WASF3: variants seen among roughly 807,000 people sequenced by gnomAD.
WASF3 encodes WASP family member 3.
A neutral mutation model predicts 46.6 loss-of-function variants in WASF3; 11 were observed. The observed-to-expected ratio is 0.24, with a 90% CI of 0.15 to 0.39. The LOEUF is 0.39. Ranked by LOEUF, WASF3 falls within the 10% of genes least tolerant of loss-of-function variation. The pLI, the probability that WASF3 is intolerant of heterozygous loss-of-function variation, is 1.00. For missense variants in WASF3, 576 were observed against 669.8 expected (o/e 0.86, Z 1.55); for synonymous variants, 242 against 259.7 (o/e 0.93, Z 0.65).
chr13:26,558,735 C>T (rs574936482), intron 1 of WASF3, among the ~76,000 whole-genome samples: 23 of 152,252 alleles, frequency 1.5e-4, no homozygotes, highest in Non-Finnish European at 2.2e-4. Context: ...TTTAAATTAG[C>T]GGTTTACTTC....
At chr13:26,542,858 G>T in the WASF3 span, among the ~76,000 whole-genome samples, 1 of 152,230 alleles carries the variant, frequency 6.6e-6, no homozygotes, top group Non-Finnish European at 1.5e-5. Flanking sequence ...CTTATTGATT[G>T]ATTGCCTTGG....
intron 1 of WASF3, among the ~76,000 whole-genome samples, chr13:26,608,120 C>A (rs946863329): frequency 2.2e-5 from 3 of 137,474 alleles, no homozygotes; most frequent in African/African-American, 8.2e-5. Context: ...TGGTCCAGAT[C>A]GTTGCCTGGG....
At chr13:26,620,130 A>G (rs1272210534) in intron 2 of WASF3, among the ~76,000 whole-genome samples, 1 of 152,048 alleles carries the variant, frequency 6.6e-6, no homozygotes, top group Non-Finnish European at 1.5e-5. Flanking sequence ...GTTATGCTAG[A>G]TCTCCAAGGT....
At chr13:26,629,031 G>A (rs1299628657) in intron 2 of WASF3, among the ~76,000 whole-genome samples, 1 of 152,238 alleles carries the variant, frequency 6.6e-6, no homozygotes, top group Non-Finnish European at 1.5e-5. Flanking sequence ...ATGGACCCGC[G>A]TTGGGTGGTT....
chr13:26,671,765 C>A, intron 5 of WASF3, 107 bp from the exon 6 acceptor site: 1 of 709,054 alleles, frequency 1.4e-6, no homozygotes, highest in Non-Finnish European at 2.3e-6. Flanking sequence ...TTAAGTGCCC[C>A]ATGTAGATGT....
rs1882536641 is a variant in WASF3, at chr13:26,658,688, G to A, written c.134-6340G>A. On this transcript the variant is annotated intron_variant, in intron 3 of 9. Coordinates refer to ENST00000335327, the MANE Select transcript of WASF3 (RefSeq NM_006646.6). Reference sequence around the variant, plus strand: ...ATTCAGCTGATAGTTGTTGAGCACTGGCTGAGCACAAGCAGTGCAGAGGTG... The same window carrying A: ...ATTCAGCTGATAGTTGTTGAGCACTAGCTGAGCACAAGCAGTGCAGAGGTG... 2.0e-5 allele frequency among the ~76,000 whole-genome samples: 3 copies of A among 152,194 alleles called. 1 individual carries two copies. Among genetic ancestry groups the A allele is most frequent in the South Asian group, 4.1e-4 (2 of 4,834 alleles).
intron 1 of WASF3, among the ~76,000 whole-genome samples, chr13:26,588,718 G>A (rs1313716929): frequency 6.6e-6 from 1 of 152,094 alleles, no homozygotes; most frequent in African/African-American, 2.4e-5. Flanking sequence ...GGCCAACACC[G>A]GGATTTTTCA....
chr13:26,683,825 G>A (rs990760474), intron 9 of WASF3, among the ~76,000 whole-genome samples: 4 of 152,126 alleles, frequency 2.6e-5, no homozygotes, highest in East Asian at 1.9e-4. Flanking sequence ...GTCTGCCCTC[G>A]CCTGTCTTGG....
rs73168029 is a variant in WASF3 at position 26,629,125 on chromosome 13, C to T, written c.-10-13136C>T. Among the ~76,000 whole-genome samples the T allele has an allele frequency of 5.5e-3, 845 of 152,298 alleles. 3 individuals are homozygous for T. The highest frequency in any genetic ancestry group is 0.014 in the Middle Eastern group (4 of 294). Reference sequence around the variant, plus strand: ...GTAAAGTGGGTCCCCTCGTCAGATGCGATGATGTGTGGGGTCCATCAGGCT... The same window carrying T: ...GTAAAGTGGGTCCCCTCGTCAGATGTGATGATGTGTGGGGTCCATCAGGCT... On this transcript the variant is annotated intron_variant, in intron 2 of 9. Coordinates refer to ENST00000335327, the MANE Select transcript of WASF3 (RefSeq NM_006646.6).
chr13:26,579,658 C>A (rs1035083067), intron 1 of WASF3, among the ~76,000 whole-genome samples: 1 of 152,174 alleles, frequency 6.6e-6, no homozygotes, highest in African/African-American at 2.4e-5. Context: ...ATGATTCTCT[C>A]TGTAACAGCC....
chr13:26,597,396 A>C (rs1373884042), intron 1 of WASF3, among the ~76,000 whole-genome samples: 1 of 151,988 alleles, frequency 6.6e-6, no homozygotes, highest in African/African-American at 2.4e-5. Context: ...GGGCCTCCGA[A>C]AGTGCTGGGA....
chr13:26,638,231 C>T (rs1881889670), intron 2 of WASF3: 1 of 152,180 alleles, frequency 6.6e-6, no homozygotes, highest in South Asian at 2.1e-4. Flanking sequence ...TTATCCATTT[C>T]CATAGTTGAA....
At chr13:26,570,933 C>A (rs1435420717) in intron 1 of WASF3, among the ~76,000 whole-genome samples, 1 of 152,054 alleles carries the variant, frequency 6.6e-6, no homozygotes, top group African/African-American at 2.4e-5. Context: ...GTGTGAGTGC[C>A]CGTTTCTTTA....
intron 3 of WASF3, among the ~76,000 whole-genome samples, chr13:26,664,059 G>A (rs1050025015): frequency 3.9e-5 from 6 of 152,170 alleles, no homozygotes; most frequent in Admixed American, 6.5e-5. Context: ...GGAACACACG[G>A]AGTTCACAGT....
At chr13:26,574,839 T>C (rs550142345) in intron 1 of WASF3, among the ~76,000 whole-genome samples, 21 of 151,856 alleles carry the variant, frequency 1.4e-4, no homozygotes, top group African/African-American at 4.6e-4. Flanking sequence ...CTTAACCCCT[T>C]CTTTTTTTTT....
At chr13:26,593,253 A>T (rs1880357805) in intron 1 of WASF3, among the ~76,000 whole-genome samples, 1 of 152,178 alleles carries the variant, frequency 6.6e-6, no homozygotes, top group Non-Finnish European at 1.5e-5. Context: ...TTTTGGTCCA[A>T]ACCGACTTGG....
Position 26,667,643 on chromosome 13 carries a change from C to G in WASF3, c.395C>G (p.Pro132Arg). 1 of 1,614,020 alleles carries G rather than the reference C, an allele frequency of 6.2e-7. No homozygotes were observed. The highest frequency in any genetic ancestry group is 8.5e-7 in the Non-Finnish European group (1 of 1,179,980). The change falls in exon 5 of 10, where the codon CCG becomes CGG. Residue 132 changes from proline to arginine, a missense_variant. Physicochemically the swap from Pro to Arg is moderately radical, Grantham distance 103. This residue lies in a region of WASF3 where 213 missense variants were observed against 278.0 expected (regional missense o/e 0.77). Coordinates refer to ENST00000335327, the MANE Select transcript of WASF3 (RefSeq NM_006646.6). ...ATTTACAACCAGAGTGATAAGCCAC[C>G]GCCTCTGAACATCCTGACACCATAC... The part of the protein sequence containing the change: ...ADIYNQSDKP[P>R]PLNILTPYRD...
chr13:26,651,340 A>G (rs1178337409), intron 3 of WASF3, among the ~76,000 whole-genome samples: 2 of 152,146 alleles, frequency 1.3e-5, no homozygotes, highest in African/African-American at 4.8e-5. Context: ...AACAAAAACC[A>G]AAAACCAAAA....
At chr13:26,664,821 T>G (rs1441733409) in intron 3 of WASF3, among the ~76,000 whole-genome samples, 1 of 152,254 alleles carries the variant, frequency 6.6e-6, no homozygotes, top group Non-Finnish European at 1.5e-5. Context: ...ATTTTAAAAT[T>G]CTACAACATT....
Sources: allele counts gnomAD v4.1 joint callset (sites outside exome capture counted in the v4.1 genomes callset), GRCh38; gene constraint gnomAD v4.1.1; regional missense constraint gnomAD v4.1.1; transcripts MANE v1.5; gene names NCBI Gene and HGNC (gene_info 2026-07-23, HGNC 2026-07-21).